The following PLCL1 variants were observed in gnomAD, a reference collection of about 807,000 sequenced individuals.
PLCL1 encodes inactive phospholipase C-like protein 1.
PLCL1 carries 41 observed loss-of-function variants against 84.4 expected under a neutral mutation model. That is an observed-to-expected ratio of 0.49 (90% confidence interval 0.38 to 0.63). PLCL1 has a LOEUF of 0.63. Among genes scored for constraint, PLCL1 ranks in the 30% least tolerant of loss-of-function variants. The pLI, the probability that PLCL1 is intolerant of heterozygous loss-of-function variation, is 0.00. For synonymous variants in PLCL1, 490 were observed against 488.3 expected, an observed-to-expected ratio of 1.00 and a Z score of -0.05; for missense variants, 1,206 against 1,367.8, an observed-to-expected ratio of 0.88 and a Z score of 1.87.
chr2:197,952,783 T>G (rs1017393093), intron 1 of PLCL1, among the ~76,000 whole-genome samples: 6 of 152,072 alleles, frequency 3.9e-5, no homozygotes, highest in Admixed American at 1.3e-4. Context: ...TCTCATGAGA[T>G]CTGATGGTTT....
intron 5 of PLCL1, among the ~76,000 whole-genome samples, chr2:198,123,955 G>T (rs1290270728): frequency 2.0e-5 from 3 of 152,068 alleles, no homozygotes; most frequent in Admixed American, 6.6e-5. Context: ...GTGCCAAAAA[G>T]GTTGGGGACC....
rs189367071 is a variant in PLCL1 at position 198,149,575 on chromosome 2, C to A, written c.*2613C>A. ...GACTATTAACTCTTACCTTTATAAC[C>A]ACAGATACAAAGAACTGTATCATTT... On this transcript the variant is annotated 3_prime_UTR_variant, in exon 6 of 6. Transcript: ENST00000428675. The A allele has an allele frequency of 6.6e-6, 1 of 152,076 alleles. No individual in the cohort carries two copies. Among genetic ancestry groups the A allele is most frequent in the East Asian group, 1.9e-4 (1 of 5,268 alleles). The allele number at this position is 152,076 out of a possible 1,614,324, so 9.4% of individuals were successfully genotyped here.
At chr2:198,129,432 T>G (rs1359456196) in intron 5 of PLCL1, among the ~76,000 whole-genome samples, 1 of 152,272 alleles carries the variant, frequency 6.6e-6, no homozygotes, top group South Asian at 2.1e-4. Context: ...CAATTGCCAA[T>G]CAGAAAAATC....
At chr2:197,886,282 C>T (rs554881808) in intron 1 of PLCL1, among the ~76,000 whole-genome samples, 2 of 151,270 alleles carry the variant, frequency 1.3e-5, no homozygotes, top group African/African-American at 4.9e-5. Context: ...TGTGGTGGTA[C>T]GTGCCTGTAG....
chr2:197,835,425 C>T (rs1484220946), intron 1 of PLCL1, among the ~76,000 whole-genome samples: 3 of 152,140 alleles, frequency 2.0e-5, no homozygotes, highest in Admixed American at 6.5e-5. Flanking sequence ...ATAACATTTT[C>T]GTCATCCCAA....
At chr2:198,054,700 G>A (rs1692020107) in intron 1 of PLCL1, among the ~76,000 whole-genome samples, 1 of 152,180 alleles carries the variant, frequency 6.6e-6, no homozygotes, top group Non-Finnish European at 1.5e-5. Context: ...ACTTCCAAAT[G>A]GCCAGCAAAA....
At chr2:197,880,716 A>T (rs1574928724) in intron 1 of PLCL1, among the ~76,000 whole-genome samples, 1 of 152,164 alleles carries the variant, frequency 6.6e-6, no homozygotes, top group South Asian at 2.1e-4. Flanking sequence ...TTTTTTAAAG[A>T]GATGAAATCT....
intron 1 of PLCL1, among the ~76,000 whole-genome samples, chr2:198,031,207 CAAAA>C (rs58115602): frequency 1.3e-5 from 1 of 79,682 alleles, no homozygotes. Flanking sequence ...CTTGTCTCTA[CAAAA>C]AAAAAAAAAA....
At chr2:197,832,216 A>G (rs116002110) in intron 1 of PLCL1, among the ~76,000 whole-genome samples, 2,329 of 152,150 alleles carry the variant, frequency 0.015, 67 homozygotes, top group African/African-American at 0.052. Flanking sequence ...GAATCCAAGA[A>G]CTGTTTTTTT....
chr2:198,028,475 A>G (rs1360589031), intron 1 of PLCL1, among the ~76,000 whole-genome samples: 1 of 152,232 alleles, frequency 6.6e-6, no homozygotes, highest in African/African-American at 2.4e-5. Context: ...GAACCCTGAT[A>G]GGAGGATTTA....
chr2:197,877,309 G>T (rs925568788), intron 1 of PLCL1, among the ~76,000 whole-genome samples: 1 of 152,038 alleles, frequency 6.6e-6, no homozygotes, highest in Non-Finnish European at 1.5e-5. Context: ...ATAAATGAAA[G>T]TTCAAGTGGG....
chr2:198,067,879 T>C (rs1692357570), intron 1 of PLCL1, among the ~76,000 whole-genome samples: 1 of 152,212 alleles, frequency 6.6e-6, no homozygotes, highest in Non-Finnish European at 1.5e-5. Flanking sequence ...CACAAAGTGG[T>C]TTTACTTGGA....
intron 1 of PLCL1, among the ~76,000 whole-genome samples, chr2:197,897,387 G>C (rs1165301304): frequency 1.3e-5 from 2 of 151,994 alleles, no homozygotes; most frequent in African/African-American, 2.4e-5. Context: ...AGGCAATATA[G>C]AGTGTTTGTG....
chr2:198,084,075 G>T lies in PLCL1; in HGVS notation c.558G>T (p.Glu186Asp), dbSNP rs371691357. Residue 186 changes from glutamate (E) to aspartate (D), a missense_variant, in exon 2 of 6, where the codon GAG (glutamate) becomes GAT (aspartate). Coordinates refer to ENST00000428675, the MANE Select transcript of PLCL1 (RefSeq NM_006226.4). ...ATGGCCTTGCTGACCAGATCTGTGA[G>T]GACTGTGCCTTTTCCATACTCCACG... is the stretch of plus-strand genomic sequence containing the variant. ...RNNGLADQIC[E>D]DCAFSILHGE... 12 of 1,614,016 alleles carry T rather than the reference G, an allele frequency of 7.4e-6. No individual in the cohort carries two copies. In the African/African-American group the frequency reaches 1.6e-4, roughly 22 times the overall value.
chr2:198,092,064 C>A (rs1456744187), intron 3 of PLCL1, among the ~76,000 whole-genome samples: 3 of 151,696 alleles, frequency 2.0e-5, no homozygotes, highest in Non-Finnish European at 4.4e-5. Flanking sequence ...TCCAGCCTCA[C>A]CTGCTTCTCC....
At position 197,805,041 on chromosome 2, in the gene PLCL1, G is replaced by T. The variant is rs1295193509; in HGVS notation, c.-59G>T. On this transcript the variant is annotated 5_prime_UTR_variant, in exon 1 of 6. Coordinates refer to ENST00000428675, the MANE Select transcript of PLCL1 (RefSeq NM_006226.4). The surrounding 1 kb of genome is among the most constrained non-coding windows in gnomAD (Gnocchi z 4.0). The stretch of plus-strand genomic sequence containing the variant: ...TGCAGGAGCGCACCGGTGCCTAGCG[G>T]CTGGACTCCGCTGCCGGGCGTCCCG... 2.1e-6 allele frequency: 3 copies of T among 1,414,812 alleles called. No homozygotes were observed. Among genetic ancestry groups the T allele is most frequent in the South Asian group, 1.5e-5 (1 of 68,586 alleles). The allele number at this position is 1,414,812 out of a possible 1,614,324, so 87.6% of individuals were successfully genotyped here. A position where few individuals can be genotyped will look rare whatever the true frequency, so the allele number is the denominator to read the frequency against.
chr2:197,858,492 T>C (rs1055783949), intron 1 of PLCL1, among the ~76,000 whole-genome samples: 6 of 152,166 alleles, frequency 3.9e-5, no homozygotes, highest in African/African-American at 9.7e-5. Context: ...ATGGATATTT[T>C]TGGGTTTATA....
chr2:197,978,841 T>C (rs1472325883), intron 1 of PLCL1, among the ~76,000 whole-genome samples: 3 of 152,110 alleles, frequency 2.0e-5, no homozygotes, highest in African/African-American at 7.2e-5. Flanking sequence ...TCACCGAAGA[T>C]GCACGTTTTT....
At chr2:197,950,357 C>G (rs1283117502) in intron 1 of PLCL1, among the ~76,000 whole-genome samples, 3 of 152,124 alleles carry the variant, frequency 2.0e-5, no homozygotes, top group Non-Finnish European at 4.4e-5. Flanking sequence ...CGTCCAGCAC[C>G]TGAATTCAGC....
Sources: allele counts gnomAD v4.1 joint callset (sites outside exome capture counted in the v4.1 genomes callset), GRCh38; gene constraint gnomAD v4.1.1; non-coding constraint Gnocchi (gnomAD v3.1); transcripts MANE v1.5; gene names NCBI Gene and HGNC (gene_info 2026-07-23, HGNC 2026-07-21).